Variants in NIM1K observed in about 807,000 individuals in gnomAD.
The protein encoded by NIM1K is NIM1 serine/threonine protein kinase.
A neutral mutation model predicts 37.1 loss-of-function variants in NIM1K; 35 were observed. The ratio of observed to expected loss-of-function variants is 0.94; its 90% CI spans 0.72 to 1.25. NIM1K has a LOEUF of 1.25. Among genes scored for constraint, NIM1K ranks in the 50% most tolerant of loss-of-function variants. NIM1K has a pLI of 0.00. For synonymous variants in NIM1K, 234 were observed against 206.6 expected (o/e 1.13, Z -1.14); for missense variants, 564 against 548.0 (o/e 1.03, Z -0.29).
intron 1 of NIM1K, among the ~76,000 whole-genome samples, chr5:43,213,365 T>C (rs188529879): frequency 1.3e-5 from 2 of 149,986 alleles, no homozygotes; most frequent in East Asian, 2.0e-4. Context: ...TCTCATTCAT[T>C]GTCACCCAGG....
chr5:43,203,382 C>T (rs926579907), intron 1 of NIM1K, among the ~76,000 whole-genome samples: 7 of 152,204 alleles, frequency 4.6e-5, no homozygotes, highest in Non-Finnish European at 1.0e-4. Flanking sequence ...TGCCAGTCAC[C>T]GAGTTTTGGC....
intron 1 of NIM1K, among the ~76,000 whole-genome samples, chr5:43,243,226 A>T (rs1229423257): frequency 6.6e-6 from 1 of 152,228 alleles, no homozygotes. Context: ...CAAAGTGATC[A>T]AAAGTACTGC....
chr5:43,224,830 C>G (rs374094360), intron 1 of NIM1K, among the ~76,000 whole-genome samples: 1 of 151,614 alleles, frequency 6.6e-6, no homozygotes, highest in Non-Finnish European at 1.5e-5. Flanking sequence ...CAAGTAGCTG[C>G]GATTACAGGC....
chr5:43,273,910 G>C (rs1406657870), intron 2 of NIM1K, among the ~76,000 whole-genome samples: 4 of 152,150 alleles, frequency 2.6e-5, no homozygotes, highest in South Asian at 4.1e-4. Flanking sequence ...TGTGAGAATA[G>C]TGTTTATCTT....
chr5:43,240,929 A>G (rs1372260099), intron 1 of NIM1K, among the ~76,000 whole-genome samples: 1 of 151,952 alleles, frequency 6.6e-6, no homozygotes, highest in East Asian at 1.9e-4. Context: ...TTTCACATCC[A>G]TCTTTATGTC....
intron 2 of NIM1K, 105 bp downstream of exon 2, chr5:43,246,172 G>A (rs1352568965): frequency 1.0e-6 from 1 of 984,292 alleles, no homozygotes; most frequent in Admixed American, 2.8e-5. Flanking sequence ...GACCTCAGCA[G>A]AGCCCCTGCA....
chr5:43,202,423 A>G (rs1561071428), intron 1 of NIM1K, among the ~76,000 whole-genome samples: 2 of 152,182 alleles, frequency 1.3e-5, no homozygotes, highest in African/African-American at 2.4e-5. Flanking sequence ...GAGACAAAGT[A>G]AAGACATTTG....
At chr5:43,208,125 G>A (rs1286958758) in intron 1 of NIM1K, among the ~76,000 whole-genome samples, 2 of 151,722 alleles carry the variant, frequency 1.3e-5, no homozygotes, top group Non-Finnish European at 2.9e-5. Context: ...TTTTTGTTTT[G>A]GTAGATCTTC....
intron 1 of NIM1K, among the ~76,000 whole-genome samples, chr5:43,210,230 T>C (rs545212589): frequency 4.1e-4 from 63 of 151,874 alleles, no homozygotes; most frequent in African/African-American, 8.7e-4. Context: ...TAAGCTGAAT[T>C]TGAATAATAG....
At chr5:43,262,090 G>A (rs1177838526) in intron 2 of NIM1K, among the ~76,000 whole-genome samples, 1 of 152,110 alleles carries the variant, frequency 6.6e-6, no homozygotes, top group African/African-American at 2.4e-5. Context: ...TTGGCAATGT[G>A]GGCTCTTTTT....
At chr5:43,222,730 C>T (rs1184895022) in intron 1 of NIM1K, among the ~76,000 whole-genome samples, 1 of 150,990 alleles carries the variant, frequency 6.6e-6, no homozygotes, top group Non-Finnish European at 1.5e-5. Flanking sequence ...TGAGCCTGTC[C>T]CTTAAAAAAA....
In NIM1K at chr5:43,245,550, T is replaced by C. The variant is rs1752763494; in HGVS notation, c.-226T>C. 6.6e-6 allele frequency: 3 copies of C among 454,610 alleles called. No individual in the cohort carries two copies. Among genetic ancestry groups the C allele is most frequent in the Non-Finnish European group, 1.2e-5 (3 of 257,736 alleles). The allele number at this position is 454,610 out of a possible 1,614,324, so 28.2% of individuals were successfully genotyped here. On this transcript the variant is annotated 5_prime_UTR_variant, in exon 2 of 4. Coordinates refer to ENST00000326035, the MANE Select transcript of NIM1K (RefSeq NM_153361.4). ...TCAACGTGAGGGAAGGTGGGAAATG[T>C]CTTGAGTGAGGCGAGCAGCTCCTGG...
intron 2 of NIM1K, among the ~76,000 whole-genome samples, chr5:43,258,921 C>G (rs1752987820): frequency 6.6e-6 from 1 of 151,774 alleles, no homozygotes; most frequent in Non-Finnish European, 1.5e-5. Flanking sequence ...TCCCTCACCC[C>G]CTCCCACCCT....
intron 2 of NIM1K, among the ~76,000 whole-genome samples, chr5:43,272,032 G>C (rs55910903): frequency 6.6e-6 from 1 of 152,028 alleles, no homozygotes; most frequent in Non-Finnish European, 1.5e-5. Flanking sequence ...GGTATTCCAC[G>C]TATGAAGGTA....
chr5:43,213,193 CTTTCTTTCTT>C (rs1434444184), intron 1 of NIM1K, among the ~76,000 whole-genome samples: 19 of 54,728 alleles, frequency 3.5e-4, no homozygotes, highest in Non-Finnish European at 8.2e-4. Flanking sequence ...TTCTTTCTTT[CTTTCTTTCTT>C]TCTTTCTTTC....
chr5:43,256,013 G>A (rs914418688), intron 2 of NIM1K, among the ~76,000 whole-genome samples: 3 of 152,010 alleles, frequency 2.0e-5, no homozygotes, highest in Non-Finnish European at 2.9e-5. Context: ...AACAGATTGT[G>A]GAGGACCAAG....
At chr5:43,218,141 G>T (rs1333574034) in intron 1 of NIM1K, among the ~76,000 whole-genome samples, 1 of 152,030 alleles carries the variant, frequency 6.6e-6, no homozygotes, top group Non-Finnish European at 1.5e-5. Flanking sequence ...CTCCTGAGTA[G>T]CTGGGATTGT....
intron 2 of NIM1K, among the ~76,000 whole-genome samples, chr5:43,258,781 T>A (rs1752984878): frequency 6.6e-6 from 1 of 152,110 alleles, no homozygotes. Flanking sequence ...ACTTATAAAT[T>A]TTTTTTCAAT....
chr5:43,235,546 A>C (rs1752608046), intron 1 of NIM1K, among the ~76,000 whole-genome samples: 1 of 152,226 alleles, frequency 6.6e-6, no homozygotes, highest in African/African-American at 2.4e-5. Flanking sequence ...TTCATTCTAT[A>C]CTGAATTGTT....
Sources: gnomAD v4.1 joint callset for allele counts (sites outside exome capture counted in the v4.1 genomes callset) on GRCh38, gnomAD v4.1.1 for gene constraint, MANE v1.5 for transcripts, NCBI Gene and HGNC (gene_info 2026-07-23, HGNC 2026-07-21) for gene names.